The following RPS3 variants were observed in gnomAD, a reference collection of about 807,000 sequenced individuals.
The protein encoded by RPS3 is small ribosomal subunit protein uS3.
RPS3 carries 2 observed loss-of-function variants against 25.8 expected under a neutral mutation model. That is an observed-to-expected ratio of 0.08 (90% confidence interval 0.03 to 0.24). The LOEUF is 0.24. Among genes scored for constraint, RPS3 ranks in the 10% least tolerant of loss-of-function variants. RPS3 has a pLI of 1.00. For synonymous variants in RPS3, 114 were observed against 114.2 expected (o/e 1.00, Z 0.01); for missense variants, 107 against 307.1 (o/e 0.35, Z 4.87).
At chr11:75,402,311 T>C (rs756611381) in intron 3 of RPS3, 41 bp from the exon 4 acceptor site, 1 of 1,601,448 alleles carries the variant, frequency 6.2e-7, no homozygotes, top group Non-Finnish European at 8.5e-7. Context: ...CAGTTGAAAA[T>C]AATGGTGATG....
At chr11:75,400,103 T>C (rs1199169352) in intron 1 of RPS3, among the ~76,000 whole-genome samples, 2 of 152,208 alleles carry the variant, frequency 1.3e-5, no homozygotes, top group Non-Finnish European at 2.9e-5. Context: ...AATCATTAGC[T>C]TTAAAAATAG....
rs1948227092 is a variant in RPS3, at chr11:75,402,583, G to A, written c.350+137G>A. The A allele has an allele frequency of 8.0e-6, 7 of 873,392 alleles. 1 individual carries two copies. In the South Asian group the frequency reaches 1.4e-4, roughly 17 times the overall value. 54.1% of individuals were successfully genotyped at this position (873,392 alleles called of 1,614,324 possible). A position where few individuals can be genotyped will look rare whatever the true frequency, so the allele number is the denominator to read the frequency against. On this transcript the variant is annotated intron_variant, in intron 4 of 6. Coordinates refer to ENST00000531188, the MANE Select transcript of RPS3 (RefSeq NM_001005.5). ...TCCCAGGGTTATAATAAGATACTAA[G>A]TCATGCCCTCACTGAACTGGCAGGC...
rs992803115 is a variant in RPS3 at position 75,422,269 on chromosome 11, G to C, written c.*546G>C. ...CTGATCTGGCACTTTCCAGCCTTCA[G>C]AACTGTGAGAAATAAATTTCTGTTG... On this transcript the variant is annotated 3_prime_UTR_variant, in exon 7 of 7. Transcript: ENST00000527446. 7.6e-5 allele frequency: 19 copies of C among 248,498 alleles called. No individual in the cohort carries two copies. In the East Asian group the frequency reaches 1.6e-3, roughly 20 times the overall value. 15.4% of individuals were successfully genotyped at this position (248,498 alleles called of 1,614,324 possible). A position where few individuals can be genotyped will look rare whatever the true frequency, so the allele number is the denominator to read the frequency against.
Position 75,404,578 on chromosome 11 carries a change from G to T in RPS3, c.539-94G>T. On this transcript the variant is annotated intron_variant, in intron 5 of 6. Transcript: ENST00000531188. The surrounding 1 kb of genome is among the most constrained non-coding windows in gnomAD (Gnocchi z 4.6). ...TTTGTCTGAGAAGGGTCCAGACCCA[G>T]GGGTGCTTGAGTAAACTGCTTGCTC... The T allele has an allele frequency of 8.2e-7, 1 of 1,225,692 alleles. No individual in the cohort carries two copies. The highest frequency in any genetic ancestry group is 1.2e-5 in the South Asian group (1 of 82,534). The allele number at this position is 1,225,692 out of a possible 1,614,324, so 75.9% of individuals were successfully genotyped here. A position where few individuals can be genotyped will look rare whatever the true frequency, so the allele number is the denominator to read the frequency against.
At chr11:75,403,793 T>C in intron 4 of RPS3, 1 of 467,454 alleles carries the variant, frequency 2.1e-6, no homozygotes, top group Non-Finnish European at 3.8e-6. Context: ...GATTCCAGTA[T>C]GCAGCCAGGG....
downstream of RPS3, among the ~76,000 whole-genome samples, chr11:75,407,627 T>C (rs478668): frequency 0.64 from 98,050 of 152,048 alleles, 32,726 homozygotes; most frequent in African/African-American, 0.82. Flanking sequence ...CGCCACCAAG[T>C]CTGGCTATTT....
chr11:75,411,285 T>C, downstream of RPS3, among the ~76,000 whole-genome samples: 1 of 152,216 alleles, frequency 6.6e-6, no homozygotes, highest in East Asian at 1.9e-4. Flanking sequence ...GTGCTGGGAA[T>C]ACAGATGTGA....
intron 6 of RPS3, among the ~76,000 whole-genome samples, chr11:75,416,404 A>G (rs545134864): frequency 1.3e-5 from 2 of 151,650 alleles, no homozygotes; most frequent in South Asian, 4.2e-4. Flanking sequence ...CCATTTTACA[A>G]TGGTGAATTT....
rs535044470 is a variant in RPS3 at position 75,419,794 on chromosome 11, C to T, written c.*4-1933C>T. On this transcript the variant is annotated intron_variant, in intron 6 of 6. Transcript: ENST00000527446. The stretch of plus-strand genomic sequence containing the variant: ...GACTACAGGCATACGCCACCATGCC[C>T]GGCTAATTTCTGTATTTTCAGTAGA... Among the ~76,000 whole-genome samples the T allele has an allele frequency of 3.9e-5, 6 of 152,148 alleles. No homozygotes were observed. In the East Asian group the frequency reaches 5.8e-4, roughly 15 times the overall value.
chr11:75,407,747 G>A (rs534827094), downstream of RPS3, among the ~76,000 whole-genome samples: 4 of 152,216 alleles, frequency 2.6e-5, no homozygotes, highest in Non-Finnish European at 5.9e-5. Context: ...GATTACAGGC[G>A]TGAGCCACCG....
chr11:75,410,060 G>A, downstream of RPS3, among the ~76,000 whole-genome samples: 1 of 141,316 alleles, frequency 7.1e-6, no homozygotes, highest in Non-Finnish European at 1.5e-5. Context: ...GGCTGGCCAG[G>A]CGGGGGGCTG....
At chr11:75,418,385 G>A (rs1022690600) in intron 6 of RPS3, among the ~76,000 whole-genome samples, 9 of 152,052 alleles carry the variant, frequency 5.9e-5, no homozygotes, top group African/African-American at 2.2e-4. Flanking sequence ...AACCGTATTT[G>A]GGTTATCTTT....
intron 4 of RPS3, 93 bp downstream of exon 4, chr11:75,402,539 G>C: frequency 1.5e-6 from 2 of 1,359,056 alleles, no homozygotes; most frequent in Non-Finnish European, 2.0e-6. Context: ...CTGTTACAAA[G>C]TTACAGGATC....
chr11:75,402,926 G>A (rs1187269361), intron 4 of RPS3: 1 of 152,774 alleles, frequency 6.5e-6, no homozygotes, highest in Non-Finnish European at 1.5e-5. Context: ...AGATGGTATT[G>A]TGAAGAGATA....
At position 75,404,264 on chromosome 11, in the gene RPS3, A is replaced by G. The variant is rs1948251431; in HGVS notation, c.538+57A>G. On this transcript the variant is annotated intron_variant, in intron 5 of 6. Coordinates refer to ENST00000531188, the MANE Select transcript of RPS3 (RefSeq NM_001005.5). This position sits in a 1 kb window ranked among gnomAD's most constrained non-coding sequence, Gnocchi z 4.6. ...TTTGTGGACAGATTTGGTTTTCCAC[A>G]GACATCTTAAGTATTTGGGGGAGTT... The G allele has an allele frequency of 2.0e-6, 3 of 1,486,052 alleles. No homozygotes were observed. Among genetic ancestry groups the G allele is most frequent in the South Asian group, 1.2e-5 (1 of 83,648 alleles). The allele number at this position is 1,486,052 out of a possible 1,614,324, so 92.1% of individuals were successfully genotyped here.
At chr11:75,413,878 G>A (rs527596735) in intron 6 of RPS3, among the ~76,000 whole-genome samples, 18 of 152,268 alleles carry the variant, frequency 1.2e-4, no homozygotes, top group African/African-American at 4.1e-4. Flanking sequence ...AGGATCTCAG[G>A]TAACTCAGAA....
At chr11:75,407,583 C>T (rs1948301995), downstream of RPS3, among the ~76,000 whole-genome samples, 2 of 152,236 alleles carry the variant, frequency 1.3e-5, no homozygotes, top group African/African-American at 4.8e-5. Flanking sequence ...ACCATCCTAC[C>T]TCAGCCTCCC....
chr11:75,402,512 T>C (rs1369901067), intron 4 of RPS3, 66 bp downstream of exon 4: 1 of 1,518,596 alleles, frequency 6.6e-7, no homozygotes, highest in Non-Finnish European at 9.0e-7. Context: ...CTGCCATTTG[T>C]TAATTTAGCA....
At chr11:75,415,591 A>G (rs903673743) in intron 6 of RPS3, among the ~76,000 whole-genome samples, 8 of 152,278 alleles carry the variant, frequency 5.3e-5, no homozygotes, top group African/African-American at 1.9e-4. Flanking sequence ...GTGGATCACG[A>G]GGTCAGGAGT....
Sources: gnomAD v4.1 joint callset for allele counts (sites outside exome capture counted in the v4.1 genomes callset) on GRCh38, gnomAD v4.1.1 for gene constraint, Gnocchi (gnomAD v3.1) non-coding constraint, MANE v1.5 for transcripts, NCBI Gene and HGNC (gene_info 2026-07-23, HGNC 2026-07-21) for gene names.